Variants in RANBP2 observed in about 807,000 individuals in gnomAD.
The protein encoded by RANBP2 is E3 SUMO-protein ligase RanBP2.
Under a neutral mutation model 303.6 loss-of-function variants are expected in RANBP2, and 57 were observed. The ratio of observed to expected loss-of-function variants is 0.19; its 90% CI spans 0.15 to 0.23. The LOEUF is 0.23. RANBP2 is among the 10% of genes least tolerant of loss of function. The probability of loss-of-function intolerance (pLI) is 1.00; values close to 1 mark genes in which losing one functional copy is unlikely to be tolerated. For missense variants in RANBP2, 3,138 were observed against 3,780.8 expected, an observed-to-expected ratio of 0.83 and a Z score of 4.46; for synonymous variants, 1,167 against 1,301.5, an observed-to-expected ratio of 0.90 and a Z score of 2.23.
chr2:109,351,184 G>A, the RANBP2 span, among the ~76,000 whole-genome samples: 1 of 152,210 alleles, frequency 6.6e-6, no homozygotes, highest in Non-Finnish European at 1.5e-5. Flanking sequence ...AAGAGCTGTG[G>A]GCCCAGCTCT....
chr2:108,908,857 C>T, the RANBP2 span, among the ~76,000 whole-genome samples: 1 of 152,036 alleles, frequency 6.6e-6, no homozygotes, highest in Non-Finnish European at 1.5e-5. Context: ...CAAACACAAC[C>T]CTAGAGACAG....
the RANBP2 span, among the ~76,000 whole-genome samples, chr2:109,409,432 A>G: frequency 1.2e-4 from 18 of 152,336 alleles, no homozygotes; most frequent in African/African-American, 4.3e-4. Flanking sequence ...CTGGCTGCCA[A>G]TAAAACTTTA....
At chr2:108,923,569 G>A in the RANBP2 span, 2 of 870,294 alleles carry the variant, frequency 2.3e-6, no homozygotes, top group African/African-American at 1.6e-5. Context: ...TCGGGCATGA[G>A]GCCACGCCCA....
At chr2:109,593,259 G>C in the RANBP2 span, 1 of 487,372 alleles carries the variant, frequency 2.1e-6, no homozygotes, top group Non-Finnish European at 3.6e-6. Context: ...CTACATTATT[G>C]AATCGTGTTT....
At chr2:108,983,775 C>T in the RANBP2 span, among the ~76,000 whole-genome samples, 1 of 152,230 alleles carries the variant, frequency 6.6e-6, no homozygotes, top group Non-Finnish European at 1.5e-5. Flanking sequence ...ATGGAGTCAA[C>T]AGGAACAGGT....
the RANBP2 span, among the ~76,000 whole-genome samples, chr2:109,059,549 C>T: frequency 6.6e-6 from 1 of 151,514 alleles, no homozygotes; most frequent in Non-Finnish European, 1.5e-5. Context: ...GCACTCCAGC[C>T]TGGGCAACAG....
At chr2:109,332,199 C>T in the RANBP2 span, among the ~76,000 whole-genome samples, 1 of 152,136 alleles carries the variant, frequency 6.6e-6, no homozygotes, top group Non-Finnish European at 1.5e-5. Flanking sequence ...CTGCAAGCTG[C>T]CTCATGGGAC....
At chr2:108,757,130 A>T (rs1055494671) in intron 17 of RANBP2, among the ~76,000 whole-genome samples, 3 of 152,196 alleles carry the variant, frequency 2.0e-5, no homozygotes, top group African/African-American at 7.2e-5. Context: ...TCCTGGGCTG[A>T]TACAGAGAAG....
chr2:109,692,028 C>A, the RANBP2 span, among the ~76,000 whole-genome samples: 1 of 152,090 alleles, frequency 6.6e-6, no homozygotes, highest in Non-Finnish European at 1.5e-5. Flanking sequence ...ATGATCCACC[C>A]GCCTCGGCCT....
chr2:109,556,531 A>C, the RANBP2 span, among the ~76,000 whole-genome samples: 1 of 152,186 alleles, frequency 6.6e-6, no homozygotes, highest in African/African-American at 2.4e-5. Flanking sequence ...ACAGATCCTA[A>C]ACACTTGCAG....
the RANBP2 span, among the ~76,000 whole-genome samples, chr2:109,441,904 A>G: frequency 6.6e-6 from 1 of 152,242 alleles, no homozygotes; most frequent in Non-Finnish European, 1.5e-5. Context: ...ACATACTGAA[A>G]GAAATATAGC....
chr2:108,913,949 C>CAAAA, the RANBP2 span, among the ~76,000 whole-genome samples: 1,080 of 108,808 alleles, frequency 9.9e-3, 29 homozygotes, highest in South Asian at 0.037. Context: ...GATTCCGTCT[C>CAAAA]AAAAAAAAAA....
chr2:109,614,170 C>CG, the RANBP2 span: 1 of 1,177,934 alleles, frequency 8.5e-7, no homozygotes. Context: ...GCGGGAACTG[C>CG]GGAGCAGTGA....
chr2:108,815,461 G>GTTTTTTTT, the RANBP2 span, among the ~76,000 whole-genome samples: 39 of 70,720 alleles, frequency 5.5e-4, no homozygotes, highest in East Asian at 1.4e-3. Context: ...GGTTTTTGGT[G>GTTTTTTTT]TTTTTTTTTT....
At chr2:108,788,009 A>C (rs1431076249), downstream of RANBP2, 2 of 1,468,876 alleles carry the variant, frequency 1.4e-6, no homozygotes, top group African/African-American at 3.1e-5. Context: ...TATACAAATT[A>C]AATCTTTTCT....
chr2:108,841,004 TTTTGTTTGTTTG>T, the RANBP2 span, among the ~76,000 whole-genome samples: 9 of 151,598 alleles, frequency 5.9e-5, no homozygotes, highest in South Asian at 4.2e-4. Context: ...TGTGTGTGTT[TTTTGTTTGTTTG>T]TTTGTTTGTT....
chr2:109,054,655 G>A, the RANBP2 span, among the ~76,000 whole-genome samples: 1 of 141,144 alleles, frequency 7.1e-6, no homozygotes, highest in African/African-American at 2.7e-5. Context: ...AGCCAAGATC[G>A]AACCACTGCA....
the RANBP2 span, among the ~76,000 whole-genome samples, chr2:109,380,713 C>T: frequency 4.6e-5 from 7 of 152,180 alleles, no homozygotes; most frequent in Non-Finnish European, 1.0e-4. Flanking sequence ...GCACATGGAG[C>T]CTTGTGCCAT....
At chr2:109,028,769 A>G in the RANBP2 span, among the ~76,000 whole-genome samples, 1 of 152,088 alleles carries the variant, frequency 6.6e-6, no homozygotes, top group African/African-American at 2.4e-5. Context: ...CTGGACCTAA[A>G]GCAGCAGAAC....
Sources: gnomAD v4.1 joint callset for allele counts (sites outside exome capture counted in the v4.1 genomes callset) on GRCh38, gnomAD v4.1.1 for gene constraint, MANE v1.5 for transcripts, NCBI Gene and HGNC (gene_info 2026-07-23, HGNC 2026-07-21) for gene names.